The following SGCZ variants were observed in gnomAD, a reference collection of about 807,000 sequenced individuals.
SGCZ encodes sarcoglycan zeta, also known as zeta-sarcoglycan.
Under a neutral mutation model 41.3 loss-of-function variants are expected in SGCZ, and 40 were observed. The observed-to-expected ratio is 0.97, with a 90% confidence interval of 0.75 to 1.26. SGCZ has a LOEUF of 1.26. Among genes scored for constraint, SGCZ ranks in the 50% most tolerant of loss-of-function variants. The pLI, the probability that SGCZ is intolerant of heterozygous loss-of-function variation, is 0.00. For missense variants in SGCZ, 552 were observed against 369.8 expected (o/e 1.49, Z -4.04); for synonymous variants, 206 against 137.5 (o/e 1.50, Z -3.49).
chr8:14,575,606 G>A (rs17249839), intron 1 of SGCZ, among the ~76,000 whole-genome samples: 24,303 of 152,072 alleles, frequency 0.16, 2,219 homozygotes, highest in South Asian at 0.21. Flanking sequence ...ACAACACAGA[G>A]CAGTTAAAAT....
At chr8:14,776,289 A>G (rs905923071) in intron 1 of SGCZ, among the ~76,000 whole-genome samples, 1 of 152,018 alleles carries the variant, frequency 6.6e-6, no homozygotes, top group African/African-American at 2.4e-5. Flanking sequence ...TGGTTTCCCC[A>G]TACTGTTATT....
chr8:15,020,820 A>C (rs1803221680), intron 1 of SGCZ, among the ~76,000 whole-genome samples: 1 of 152,228 alleles, frequency 6.6e-6, no homozygotes, highest in South Asian at 2.1e-4. Flanking sequence ...GTTCTTCTAT[A>C]AACATAAGCC....
chr8:14,787,555 A>T (rs1043036699), intron 1 of SGCZ, among the ~76,000 whole-genome samples: 5 of 152,224 alleles, frequency 3.3e-5, no homozygotes, highest in Middle Eastern at 3.4e-3. Flanking sequence ...TTAAGAAGGA[A>T]TATTCCAGCC....
rs546804090 is a variant in SGCZ, at chr8:14,729,942, G to A, written c.40-175016C>T. The stretch of plus-strand genomic sequence containing the variant: ...TCTACTAAAAATACAGAAATTAGCC[G>A]GGCATGGTAGGACAGTCCTCTAATC... On this transcript the variant is annotated intron_variant, in intron 1 of 7. Coordinates refer to ENST00000382080, the MANE Select transcript of SGCZ (RefSeq NM_139167.4). Among the ~76,000 whole-genome samples the A allele has an allele frequency of 6.1e-4, 93 of 152,130 alleles. No individual in the cohort carries two copies. In the South Asian group the frequency reaches 9.8e-3, roughly 16 times the overall value.
chr8:14,701,382 TA>T (rs1303698812), intron 1 of SGCZ, among the ~76,000 whole-genome samples: 2 of 151,880 alleles, frequency 1.3e-5, no homozygotes, highest in Non-Finnish European at 2.9e-5. Context: ...TTAGGACCAT[TA>T]AAATCAACTC....
Position 14,207,399 on chromosome 8 carries a change from C to G in SGCZ, c.424+30193G>C, listed in dbSNP as rs116701790. Among the ~76,000 whole-genome samples, 1,372 of 152,200 alleles carry G rather than the reference C, an allele frequency of 9.0e-3. 19 individuals carry two copies. The highest frequency in any genetic ancestry group is 0.03 in the African/African-American group (1,257 of 41,532). Reference sequence around the variant, plus strand: ...AGCATTAAGATTCATTGTTTTTAGCCTCATCCATCTTATTGCAAACATATT... The same window carrying G: ...AGCATTAAGATTCATTGTTTTTAGCGTCATCCATCTTATTGCAAACATATT... On this transcript the variant is annotated intron_variant, in intron 4 of 7. Coordinates refer to ENST00000382080, the MANE Select transcript of SGCZ (RefSeq NM_139167.4).
At chr8:15,195,604 T>G (rs1365427051) in intron 1 of SGCZ, among the ~76,000 whole-genome samples, 1 of 152,206 alleles carries the variant, frequency 6.6e-6, no homozygotes, top group East Asian at 1.9e-4. Context: ...CGTGCCTGAT[T>G]GGAGCTCAAA....
chr8:14,942,025 G>A (rs1174171200), intron 1 of SGCZ, among the ~76,000 whole-genome samples: 1 of 151,706 alleles, frequency 6.6e-6, no homozygotes, highest in Non-Finnish European at 1.5e-5. Flanking sequence ...CCAACAATTG[G>A]GCTATTTAAA....
At chr8:14,769,106 C>T (rs1007621416) in intron 1 of SGCZ, among the ~76,000 whole-genome samples, 1 of 151,508 alleles carries the variant, frequency 6.6e-6, no homozygotes, top group Non-Finnish European at 1.5e-5. Flanking sequence ...ATAAATCCGC[C>T]GAATAAAACT....
intron 3 of SGCZ, among the ~76,000 whole-genome samples, chr8:14,305,683 A>G (rs1377316525): frequency 6.6e-6 from 1 of 152,224 alleles, no homozygotes; most frequent in Non-Finnish European, 1.5e-5. Context: ...TCTTTGTGGT[A>G]GCTTGCAAAT....
chr8:14,125,087 G>T (rs887193883), intron 5 of SGCZ, among the ~76,000 whole-genome samples: 1 of 152,108 alleles, frequency 6.6e-6, no homozygotes. Context: ...CACTAACAGG[G>T]GATGCGAAGG....
intron 3 of SGCZ, among the ~76,000 whole-genome samples, chr8:14,285,394 C>G (rs953041544): frequency 1.3e-5 from 2 of 152,072 alleles, no homozygotes; most frequent in Admixed American, 6.5e-5. Flanking sequence ...GTTACTCTGT[C>G]TTTTTGATAC....
chr8:14,327,568 T>C (rs544568933), intron 2 of SGCZ, among the ~76,000 whole-genome samples: 1 of 152,264 alleles, frequency 6.6e-6, no homozygotes, highest in East Asian at 1.9e-4. Context: ...TACTAAAAAA[T>C]GTTCTGATGA....
At chr8:15,123,830 G>A (rs775786813) in intron 1 of SGCZ, among the ~76,000 whole-genome samples, 1 of 152,170 alleles carries the variant, frequency 6.6e-6, no homozygotes, top group African/African-American at 2.4e-5. Context: ...CAGACTGAGG[G>A]TCAGACAAGG....
intron 1 of SGCZ, among the ~76,000 whole-genome samples, chr8:14,697,704 C>CA (rs1809010213): frequency 6.6e-6 from 1 of 151,850 alleles, no homozygotes; most frequent in Non-Finnish European, 1.5e-5. Context: ...TTCCTCTTCT[C>CA]AAAAAACAAT....
At chr8:14,596,452 T>A (rs1805416709) in intron 1 of SGCZ, among the ~76,000 whole-genome samples, 1 of 152,222 alleles carries the variant, frequency 6.6e-6, no homozygotes, top group South Asian at 2.1e-4. Flanking sequence ...CATTTTGACA[T>A]ACCAGATCTG....
At chr8:15,036,637 T>A (rs1198517337) in intron 1 of SGCZ, among the ~76,000 whole-genome samples, 2 of 152,188 alleles carry the variant, frequency 1.3e-5, no homozygotes, top group African/African-American at 4.8e-5. Context: ...AATGGCCTCA[T>A]TGCTGAATTC....
intron 7 of SGCZ, among the ~76,000 whole-genome samples, chr8:14,095,859 G>C (rs1008975903): frequency 6.6e-6 from 1 of 151,976 alleles, no homozygotes; most frequent in Non-Finnish European, 1.5e-5. Flanking sequence ...CATTCTCTTT[G>C]TAGCACTTGT....
intron 3 of SGCZ, among the ~76,000 whole-genome samples, chr8:14,303,616 A>C (rs1363792389): frequency 2.0e-5 from 3 of 152,148 alleles, no homozygotes; most frequent in African/African-American, 7.2e-5. Context: ...GACTCTAAAA[A>C]ACTTCCAGCA....
Sources: allele counts gnomAD v4.1 joint callset (sites outside exome capture counted in the v4.1 genomes callset), GRCh38; gene constraint gnomAD v4.1.1; transcripts MANE v1.5; gene names NCBI Gene and HGNC (gene_info 2026-07-23, HGNC 2026-07-21).